Variants in PHF8 observed in about 807,000 individuals in gnomAD.
The protein encoded by PHF8 is PHD finger protein 8.
A neutral mutation model predicts 74.4 loss-of-function variants in PHF8; 9 were observed. The ratio of observed to expected loss-of-function variants is 0.12; its 90% CI spans 0.07 to 0.21. The LOEUF is 0.21. PHF8 is among the 10% of genes least tolerant of loss of function. PHF8 has a pLI of 1.00. For synonymous variants in PHF8, 311 were observed against 316.6 expected (o/e 0.98, Z 0.19); for missense variants, 478 against 816.6 (o/e 0.59, Z 5.05).
At chrX:54,045,991 C>T (rs781998545), upstream of PHF8, among the ~76,000 whole-genome samples, 2 of 29,508 alleles carry the variant, frequency 6.8e-5, no homozygotes, top group South Asian at 3.7e-3. Context: ...CAAGGTCTCA[C>T]TCTGTCAACT....
Position 54,011,282 on chromosome X carries a change from A to C in PHF8, c.786T>G (p.Gly262=), listed in dbSNP as rs187525279. Residue 262 remains glycine, a splice_region_variant and synonymous_variant, in exon 8 of 22, where the codon GGT becomes GGG. Coordinates refer to ENST00000338154, the MANE Select transcript of PHF8 (RefSeq NM_015107.3). ...GGCGGATCAGGTAGAAGATCTTTTC[A>C]CCCTGAAACAAAAAGAGGTTGAAGT... The part of the protein sequence containing the change: ...GTSVWYHVLK[G]EKIFYLIRPT... 4 of 1,206,753 alleles carry C rather than the reference A, an allele frequency of 3.3e-6. No individual in the cohort carries two copies. In the East Asian group the frequency reaches 1.2e-4, roughly 36 times the overall value.
At chrX:53,943,697 T>G (rs1557084226) in intron 20 of PHF8, among the ~76,000 whole-genome samples, 2 of 111,798 alleles carry the variant, frequency 1.8e-5, no homozygotes, top group Non-Finnish European at 3.8e-5. Flanking sequence ...GGGTGAAGAT[T>G]AAGATAATAT....
chrX:53,965,617 A>C (rs2065173330), intron 18 of PHF8, among the ~76,000 whole-genome samples: 1 of 112,358 alleles, frequency 8.9e-6, no homozygotes, highest in African/African-American at 3.2e-5. Flanking sequence ...CCTGCCTTCC[A>C]AACAAACAAA....
chrX:54,020,077 TC>T (rs1443005560), intron 4 of PHF8, among the ~76,000 whole-genome samples: 2 of 109,658 alleles, frequency 1.8e-5, no homozygotes, highest in Non-Finnish European at 3.8e-5. Context: ...TCCCAGCTAC[TC>T]GGGGTGCCGA....
intron 8 of PHF8, among the ~76,000 whole-genome samples, chrX:54,009,159 C>T (rs1268178199): frequency 8.9e-6 from 1 of 112,003 alleles, no homozygotes; most frequent in Non-Finnish European, 1.9e-5. Flanking sequence ...GCCTGGGTAA[C>T]AGAGTGAGAC....
chrX:53,937,958 G>A lies in PHF8; in HGVS notation c.*1200C>T. 6.2e-6 allele frequency: 7 copies of A among 1,134,882 alleles called. No individual in the cohort carries two copies. Among genetic ancestry groups the A allele is most frequent in the Non-Finnish European group, 7.1e-6 (6 of 844,789 alleles). The allele number at this position is 1,134,882 out of a possible 1,213,427, so 93.5% of individuals were successfully genotyped here. A position where few individuals can be genotyped will look rare whatever the true frequency, so the allele number is the denominator to read the frequency against. On this transcript the variant is annotated 3_prime_UTR_variant, in exon 22 of 22. Coordinates refer to ENST00000338154, the MANE Select transcript of PHF8 (RefSeq NM_015107.3). The stretch of plus-strand genomic sequence containing the variant: ...CGAAGGAAGGACAGGGGAAGGGGAG[G>A]ATCGGATGGATGGTCTGCTCCTTCA...
intron 2 of PHF8, among the ~76,000 whole-genome samples, chrX:54,035,511 G>A (rs2066437820): frequency 9.0e-6 from 1 of 111,287 alleles, no homozygotes. Context: ...GCCAAGAGCA[G>A]TAGTTCATGC....
intron 14 of PHF8, among the ~76,000 whole-genome samples, chrX:53,991,917 CACT>C (rs2065671622): frequency 9.0e-6 from 1 of 110,682 alleles, no homozygotes; most frequent in Non-Finnish European, 1.9e-5. Flanking sequence ...GGAAGGAAAC[CACT>C]GACATTGGTT....
chrX:54,020,929 T>C (rs1225213625), intron 4 of PHF8, among the ~76,000 whole-genome samples: 1 of 111,830 alleles, frequency 8.9e-6, no homozygotes, highest in African/African-American at 3.3e-5. Flanking sequence ...GACCCAGCAA[T>C]CCCATTACTG....
In PHF8 at chrX:54,016,633, T is replaced by G; in HGVS notation, c.558A>C (p.Lys186Asn). The G allele has an allele frequency of 8.3e-7, 1 of 1,201,594 alleles. No homozygotes were observed. The highest frequency in any genetic ancestry group is 1.1e-6 in the Non-Finnish European group (1 of 886,464). The change falls in exon 6 of 22, where the codon AAA becomes AAC. Residue 186 changes from lysine (K) to asparagine (N), a missense_variant. Lys to Asn is a moderately conservative substitution (Grantham distance 94, BLOSUM62 0). Coordinates refer to ENST00000338154, the MANE Select transcript of PHF8 (RefSeq NM_015107.3). The part of the protein sequence containing the change: ...VKYYYSGKRE[K>N]VLNVISLEFS... The stretch of plus-strand genomic sequence containing the variant: ...ATTCCAAACTAATGACATTGAGGAC[T>G]TTCTCCCTCTTCCCGCTGTAATAGT...
At position 54,043,749 on chromosome X, in the gene PHF8, C is replaced by T; in HGVS notation, c.-93+13G>A. On this transcript the variant is annotated intron_variant, in intron 1 of 21. Coordinates refer to ENST00000338154, the MANE Select transcript of PHF8 (RefSeq NM_015107.3). ...AAACTGACAGTAATAGCCTCGCAGC[C>T]CCCAAAACTTACAGGAATCTTAACG... The T allele has an allele frequency of 3.0e-6, 2 of 672,244 alleles. No homozygotes were observed. Among genetic ancestry groups the T allele is most frequent in the Non-Finnish European group, 3.5e-6 (2 of 564,322 alleles). The allele number at this position is 672,244 out of a possible 1,213,427, so 55.4% of individuals were successfully genotyped here. A position where few individuals can be genotyped will look rare whatever the true frequency, so the allele number is the denominator to read the frequency against.
chrX:53,992,445 T>C (rs1557101621), intron 14 of PHF8, among the ~76,000 whole-genome samples: 1 of 112,071 alleles, frequency 8.9e-6, no homozygotes. Context: ...AAGTATGCTA[T>C]ACTTATTGCT....
intron 19 of PHF8, among the ~76,000 whole-genome samples, chrX:53,952,067 C>G (rs1337969780): frequency 9.1e-6 from 1 of 109,397 alleles, no homozygotes; most frequent in Non-Finnish European, 1.9e-5. Flanking sequence ...GGGCAGATTA[C>G]GAGGTCAAGA....
At chrX:54,000,595 C>T (rs985080700) in intron 10 of PHF8, among the ~76,000 whole-genome samples, 28 of 112,673 alleles carry the variant, frequency 2.5e-4, no homozygotes, top group Non-Finnish European at 2.4e-4. Flanking sequence ...GTATTGGCTA[C>T]GAGGCTGTAC....
intron 2 of PHF8, among the ~76,000 whole-genome samples, chrX:54,028,547 C>G (rs887925807): frequency 2.2e-4 from 25 of 111,345 alleles, no homozygotes; most frequent in African/African-American, 7.5e-4. Flanking sequence ...TCCATGTGCC[C>G]TCTATGCACT....
At chrX:54,031,387 A>G (rs2066352051) in intron 2 of PHF8, among the ~76,000 whole-genome samples, 1 of 110,017 alleles carries the variant, frequency 9.1e-6, no homozygotes, top group Non-Finnish European at 1.9e-5. Flanking sequence ...TGAAGCATCC[A>G]CCATTCCCAC....
chrX:53,944,971 G>A (rs1361429868), intron 19 of PHF8, among the ~76,000 whole-genome samples: 1 of 110,426 alleles, frequency 9.1e-6, no homozygotes, highest in East Asian at 2.8e-4. Flanking sequence ...GCAGTGAGCA[G>A]AGATTGCATC....
chrX:53,964,180 C>G (rs1232695467), intron 18 of PHF8, among the ~76,000 whole-genome samples: 2 of 106,923 alleles, frequency 1.9e-5, no homozygotes, highest in Non-Finnish European at 3.8e-5. Flanking sequence ...GAGAGTTGAA[C>G]AATGAGAACA....
At chrX:53,943,671 CA>C (rs1179904870) in intron 20 of PHF8, among the ~76,000 whole-genome samples, 214 of 105,896 alleles carry the variant, frequency 2.0e-3, no homozygotes, top group African/African-American at 6.5e-3. Flanking sequence ...CTCTTTAGGA[CA>C]AAAAAAAAAT....
Sources: allele counts gnomAD v4.1 joint callset (sites outside exome capture counted in the v4.1 genomes callset), GRCh38; gene constraint gnomAD v4.1.1; transcripts MANE v1.5; gene names NCBI Gene and HGNC (gene_info 2026-07-23, HGNC 2026-07-21).